Variants in ATP1A2 observed in about 807,000 individuals in gnomAD.
The protein encoded by ATP1A2 is sodium/potassium-transporting ATPase subunit alpha-2.
In ATP1A2, 56 loss-of-function variants were observed where a neutral mutation model predicts 113.1. The ratio of observed to expected loss-of-function variants is 0.49; its 90% CI spans 0.40 to 0.62. The LOEUF (loss-of-function observed/expected upper bound fraction) is 0.62. ATP1A2 is among the 20% of genes least tolerant of loss of function. The pLI, the probability that ATP1A2 is intolerant of heterozygous loss-of-function variation, is 0.00. For synonymous variants in ATP1A2, 490 were observed against 526.8 expected, an observed-to-expected ratio of 0.93 and a Z score of 0.96; for missense variants, 712 against 1,357.8, an observed-to-expected ratio of 0.52 and a Z score of 7.47.
intron 1 of ATP1A2, among the ~76,000 whole-genome samples, chr1:160,116,206 G>A (rs904728752): frequency 6.6e-6 from 1 of 151,682 alleles, no homozygotes; most frequent in Non-Finnish European, 1.5e-5. Flanking sequence ...TGCATCTCCC[G>A]GCCTCCCAGC....
chr1:160,133,888 G>A (rs1651838653), intron 13 of ATP1A2, among the ~76,000 whole-genome samples: 1 of 152,020 alleles, frequency 6.6e-6, no homozygotes, highest in African/African-American at 2.4e-5. Flanking sequence ...TCATGAACTT[G>A]TTACTCTGTT....
rs967201261 is a variant in ATP1A2, at chr1:160,131,664, GA to G, written c.1827+1076del. 2.0e-5 allele frequency among the ~76,000 whole-genome samples: 3 copies of G among 150,006 alleles called. No homozygotes were observed. The East Asian group carries it at 5.9e-4, about 29-fold the overall frequency. On this transcript the variant is annotated intron_variant, in intron 13 of 22. Transcript: ENST00000361216. ...AACATGGTGAAACCCCGTCTCTACT[GA>G]AAAAAAAATACAAAAATTAGCCACG...
chr1:160,125,562 T>A, intron 7 of ATP1A2: 1 of 385,700 alleles, frequency 2.6e-6, no homozygotes, highest in Non-Finnish European at 4.9e-6. Context: ...CACACACAGA[T>A]GCACATACGC....
At chr1:160,139,617 C>T in intron 20 of ATP1A2, 23 bp from the exon 21 acceptor site, 1 of 1,580,258 alleles carries the variant, frequency 6.3e-7, no homozygotes, top group South Asian at 1.1e-5. Context: ...CTTCACCTGC[C>T]ACCTCCTTTC....
chr1:160,138,581 C>A (rs900123175), intron 20 of ATP1A2, among the ~76,000 whole-genome samples: 1 of 152,186 alleles, frequency 6.6e-6, no homozygotes, highest in Non-Finnish European at 1.5e-5. Flanking sequence ...GTGGTTCACA[C>A]CTGTAATCCC....
chr1:160,134,192 C>T (rs1343494990), intron 13 of ATP1A2, among the ~76,000 whole-genome samples: 1 of 147,220 alleles, frequency 6.8e-6, no homozygotes, highest in Non-Finnish European at 1.5e-5. Flanking sequence ...CCCTCTCACA[C>T]ACACACACAA....
chr1:160,133,268 G>A (rs929242636), intron 13 of ATP1A2, among the ~76,000 whole-genome samples: 3 of 152,118 alleles, frequency 2.0e-5, no homozygotes, highest in African/African-American at 7.2e-5. Flanking sequence ...AGTAGGATGA[G>A]GACGGCAAAG....
chr1:160,128,510 T>G, intron 8 of ATP1A2, 142 bp from the exon 9 acceptor site: 2 of 1,544,206 alleles, frequency 1.3e-6, no homozygotes, highest in Non-Finnish European at 1.7e-6. Context: ...AATTGAACAT[T>G]CATTATTTAC....
intron 3 of ATP1A2, among the ~76,000 whole-genome samples, chr1:160,122,143 A>C (rs1276707613): frequency 1.3e-5 from 2 of 152,190 alleles, no homozygotes; most frequent in African/African-American, 4.8e-5. Context: ...AAACAAGCAA[A>C]CAAACAGACA....
chr1:160,130,697 C>A, intron 13 of ATP1A2, 100 bp downstream of exon 13: 2 of 1,521,240 alleles, frequency 1.3e-6, no homozygotes, highest in Non-Finnish European at 9.0e-7. Flanking sequence ...GCCACGGTGG[C>A]CTCCTTCCCA....
chr1:160,127,451 C>T, intron 7 of ATP1A2, 101 bp from the exon 8 acceptor site: 1 of 1,563,168 alleles, frequency 6.4e-7, no homozygotes, highest in South Asian at 1.1e-5. Flanking sequence ...GCGGCTTTGG[C>T]TCACCTATCC....
In ATP1A2 at chr1:160,129,391, C is replaced by G; in HGVS notation, c.1452C>G (p.Asn484Lys). 1 of 1,613,536 alleles carries G rather than the reference C, an allele frequency of 6.2e-7. No individual in the cohort carries two copies. The highest frequency in any genetic ancestry group is 8.5e-7 in the Non-Finnish European group (1 of 1,180,014). ...KVAEIPFNSTNKYQLSIHERE... is the reference protein window; with the variant it reads ...KVAEIPFNSTKKYQLSIHERE... ...CAGAGATTCCTTTCAACTCTACCAA[C>G]AAGTACCAGGTCTGCTTGGGTTGCC... The change falls in exon 11 of 23, where the codon AAC (asparagine) becomes AAG (lysine). Residue 484 changes from asparagine (N) to lysine (K), a missense_variant. This residue lies in a region of ATP1A2 where 263 missense variants were observed against 380.6 expected (regional missense o/e 0.69). Transcript: ENST00000361216.
chr1:160,141,533 T>C lies in ATP1A2; in HGVS notation c.*211T>C, dbSNP rs1652150766. 1 of 642,946 alleles carries C rather than the reference T, an allele frequency of 1.6e-6. No homozygotes were observed. Among genetic ancestry groups the C allele is most frequent in the African/African-American group, 1.8e-5 (1 of 55,488 alleles). 39.8% of individuals were successfully genotyped at this position (642,946 alleles called of 1,614,324 possible). ...CTGTGAACAATCAGATTAGACACTA[T>C]GTGTTAGAGTCCCCCCGACCAGATC... On this transcript the variant is annotated 3_prime_UTR_variant, in exon 23 of 23. Coordinates refer to ENST00000361216, the MANE Select transcript of ATP1A2 (RefSeq NM_000702.4).
chr1:160,130,064 A>G (rs1042509113), intron 11 of ATP1A2, 38 bp from the exon 12 acceptor site: 10 of 1,613,550 alleles, frequency 6.2e-6, no homozygotes, highest in Non-Finnish European at 8.5e-6. Context: ...TACCAAGACA[A>G]GTATGGCCCT....
rs375635569 is a variant in ATP1A2, at chr1:160,135,314, G to A, written c.2115+19G>A. 30 of 1,614,094 alleles carry A rather than the reference G, an allele frequency of 1.9e-5. 1 individual carries two copies. Among genetic ancestry groups the A allele is most frequent in the Admixed American group, 6.7e-5 (4 of 60,008 alleles). On this transcript the variant is annotated intron_variant, in intron 15 of 22. Coordinates refer to ENST00000361216, the MANE Select transcript of ATP1A2 (RefSeq NM_000702.4). The surrounding 1 kb of genome is among the most constrained non-coding windows in gnomAD (Gnocchi z 6.3). ...GAGGCAGGTGAGCACAGCCACGGGA[G>A]GCAGATGACAGGCAGGGACCGGGGA...
At chr1:160,133,272 G>A (rs150362363) in intron 13 of ATP1A2, among the ~76,000 whole-genome samples, 3 of 152,166 alleles carry the variant, frequency 2.0e-5, no homozygotes, top group Non-Finnish European at 4.4e-5. Context: ...GGATGAGGAC[G>A]GCAAAGACAC....
intron 4 of ATP1A2, 71 bp downstream of exon 4, chr1:160,123,487 G>A (rs1651486222): frequency 6.3e-7 from 1 of 1,594,610 alleles, no homozygotes; most frequent in South Asian, 1.1e-5. Context: ...ACACAGTGGG[G>A]GGTGGGCAGG....
chr1:160,135,063 C>A lies in ATP1A2; in HGVS notation c.1965-82C>A. The A allele has an allele frequency of 3.2e-6, 5 of 1,581,380 alleles. No individual in the cohort carries two copies. The highest frequency in any genetic ancestry group is 4.3e-6 in the Non-Finnish European group (5 of 1,155,572). On this transcript the variant is annotated intron_variant, in intron 14 of 22. Coordinates refer to ENST00000361216, the MANE Select transcript of ATP1A2 (RefSeq NM_000702.4). The surrounding 1 kb of genome is among the most constrained non-coding windows in gnomAD (Gnocchi z 6.3). The stretch of plus-strand genomic sequence containing the variant: ...GGCTCAGCAGGGAGCCTGCAGGCTG[C>A]GGTGGTGAAGAGAGGCAGGGGGCAG...
chr1:160,132,915 C>T (rs546074391), intron 13 of ATP1A2, among the ~76,000 whole-genome samples: 2 of 152,114 alleles, frequency 1.3e-5, no homozygotes, highest in South Asian at 4.2e-4. Context: ...CATTTAGGCA[C>T]AAGAGGAACC....
Sources: allele counts gnomAD v4.1 joint callset (sites outside exome capture counted in the v4.1 genomes callset), GRCh38; gene constraint gnomAD v4.1.1; regional missense constraint gnomAD v4.1.1; non-coding constraint Gnocchi (gnomAD v3.1); transcripts MANE v1.5; gene names NCBI Gene and HGNC (gene_info 2026-07-23, HGNC 2026-07-21).